Variants in PPP1R9A observed in about 807,000 individuals in gnomAD.
PPP1R9A encodes neurabin-1.
Under a neutral mutation model 141.9 loss-of-function variants are expected in PPP1R9A, and 59 were observed. The observed-to-expected ratio is 0.42, with a 90% CI of 0.34 to 0.52. PPP1R9A has a LOEUF of 0.52. Ranked by LOEUF, PPP1R9A falls within the 20% of genes least tolerant of loss-of-function variation. PPP1R9A has a pLI of 0.10. For synonymous variants in PPP1R9A, 500 were observed against 569.7 expected, an observed-to-expected ratio of 0.88 and a Z score of 1.74; for missense variants, 1,444 against 1,611.9, an observed-to-expected ratio of 0.90 and a Z score of 1.78.
At chr7:94,931,256 T>C (rs891435735) in intron 2 of PPP1R9A, among the ~76,000 whole-genome samples, 6 of 152,188 alleles carry the variant, frequency 3.9e-5, no homozygotes, top group African/African-American at 1.2e-4. Flanking sequence ...TGACGGCAGG[T>C]GAACTTCAGA....
chr7:95,213,588 T>A (rs956806090), intron 7 of PPP1R9A, among the ~76,000 whole-genome samples: 3 of 152,064 alleles, frequency 2.0e-5, no homozygotes, highest in Non-Finnish European at 4.4e-5. Flanking sequence ...CCTTCCAAAG[T>A]GTTGGGATTA....
At chr7:94,987,203 C>T (rs866899294) in intron 2 of PPP1R9A, among the ~76,000 whole-genome samples, 32 of 152,172 alleles carry the variant, frequency 2.1e-4, no homozygotes, top group African/African-American at 7.5e-4. Flanking sequence ...CTCTTTTAAA[C>T]CTAGCTTTGG....
rs1199316703 is a variant in PPP1R9A, at chr7:95,288,544, T to C, written c.3738T>C (p.Asp1246=). 4.3e-6 allele frequency: 7 copies of C among 1,613,794 alleles called. No individual in the cohort carries two copies. Among genetic ancestry groups the C allele is most frequent in the Non-Finnish European group, 5.9e-6 (7 of 1,179,936 alleles). The change falls in exon 19 of 20, where the codon GAT becomes GAC. Residue 1246 remains aspartate, a synonymous_variant. Coordinates refer to ENST00000433360, the MANE Select transcript of PPP1R9A (RefSeq NM_001166160.2). ...TAACATTCCTATCTTAGATCCTTGA[T>C]GATGGACAGTCTCCCAAACACAGTC... ...SLALSSDEIL[D]DGQSPKHSQC...
chr7:94,924,131 C>G (rs1161478107), intron 2 of PPP1R9A, among the ~76,000 whole-genome samples: 1 of 152,080 alleles, frequency 6.6e-6, no homozygotes, highest in Non-Finnish European at 1.5e-5. Flanking sequence ...AATTTTGACT[C>G]TTTTCTATAA....
chr7:95,240,588 A>G (rs1797312357), intron 8 of PPP1R9A, among the ~76,000 whole-genome samples: 1 of 152,006 alleles, frequency 6.6e-6, no homozygotes, highest in African/African-American at 2.4e-5. Context: ...TAAAATATAC[A>G]TGTATAGTTT....
At chr7:95,041,005 T>C (rs1168838785) in intron 2 of PPP1R9A, among the ~76,000 whole-genome samples, 1 of 152,310 alleles carries the variant, frequency 6.6e-6, no homozygotes, top group East Asian at 1.9e-4. Context: ...AGAGGAGATA[T>C]CCCATGAAAT....
chr7:95,048,841 G>A (rs1810400935), intron 2 of PPP1R9A, among the ~76,000 whole-genome samples: 1 of 151,912 alleles, frequency 6.6e-6, no homozygotes, highest in Non-Finnish European at 1.5e-5. Context: ...CACCATGCCC[G>A]GCCCTATGAC....
At chr7:95,097,443 A>G (rs745796349) in intron 2 of PPP1R9A, among the ~76,000 whole-genome samples, 1 of 152,222 alleles carries the variant, frequency 6.6e-6, no homozygotes, top group Non-Finnish European at 1.5e-5. Context: ...TAATTTCTGT[A>G]TCTGCAGTCA....
At chr7:95,051,010 A>T (rs7802644) in intron 2 of PPP1R9A, among the ~76,000 whole-genome samples, 4,791 of 152,166 alleles carry the variant, frequency 0.031, 266 homozygotes, top group African/African-American at 0.11. Flanking sequence ...CATTTGTGTT[A>T]TATCTAAAAA....
At chr7:94,973,021 A>G (rs1799029957) in intron 2 of PPP1R9A, among the ~76,000 whole-genome samples, 1 of 151,906 alleles carries the variant, frequency 6.6e-6, no homozygotes, top group African/African-American at 2.4e-5. Context: ...GACACAATAT[A>G]TTTTTAAAAA....
At chr7:94,933,717 T>C (rs1055841690) in intron 2 of PPP1R9A, among the ~76,000 whole-genome samples, 7 of 152,114 alleles carry the variant, frequency 4.6e-5, no homozygotes, top group African/African-American at 1.4e-4. Flanking sequence ...GTCCTTACAA[T>C]AGCTGATCAC....
chr7:95,025,229 G>T (rs1370224345), intron 2 of PPP1R9A, among the ~76,000 whole-genome samples: 1 of 152,040 alleles, frequency 6.6e-6, no homozygotes, highest in Non-Finnish European at 1.5e-5. Flanking sequence ...ACCATGTCTG[G>T]CTAATTTTTG....
intron 2 of PPP1R9A, among the ~76,000 whole-genome samples, chr7:94,930,008 C>A (rs1793958023): frequency 6.6e-6 from 1 of 152,284 alleles, no homozygotes; most frequent in South Asian, 2.1e-4. Flanking sequence ...AACAGATGCT[C>A]AGCAAATGAG....
chr7:95,202,064 T>C (rs1789679273), intron 6 of PPP1R9A, among the ~76,000 whole-genome samples: 1 of 152,166 alleles, frequency 6.6e-6, no homozygotes, highest in Non-Finnish European at 1.5e-5. Flanking sequence ...ATGGGAGAAA[T>C]AGATCCTGAA....
At chr7:95,102,513 C>T (rs1818921353) in intron 2 of PPP1R9A, among the ~76,000 whole-genome samples, 1 of 152,114 alleles carries the variant, frequency 6.6e-6, no homozygotes. Flanking sequence ...TCAGAAAGGC[C>T]CAGTGAGTTG....
intron 2 of PPP1R9A, among the ~76,000 whole-genome samples, chr7:94,921,534 A>G (rs1321593264): frequency 6.6e-6 from 1 of 152,168 alleles, no homozygotes; most frequent in Non-Finnish European, 1.5e-5. Context: ...ATTGATGTGC[A>G]AAATTGTTTT....
At chr7:95,012,613 G>C (rs910417232) in intron 2 of PPP1R9A, among the ~76,000 whole-genome samples, 6 of 152,156 alleles carry the variant, frequency 3.9e-5, no homozygotes, top group African/African-American at 1.4e-4. Context: ...AGATGAACAA[G>C]ATCATGCTTT....
intron 5 of PPP1R9A, among the ~76,000 whole-genome samples, chr7:95,189,854 C>A (rs1413238087): frequency 6.6e-6 from 1 of 152,078 alleles, no homozygotes; most frequent in East Asian, 1.9e-4. Flanking sequence ...TTTTCCAGTG[C>A]CTTTTTTTAT....
chr7:95,175,230 C>G (rs1428140011), intron 5 of PPP1R9A: 1 of 151,616 alleles, frequency 6.6e-6, no homozygotes, highest in African/African-American at 2.4e-5. Context: ...TAGAGGCAGC[C>G]TATCATAGTA....
Sources: allele counts gnomAD v4.1 joint callset (sites outside exome capture counted in the v4.1 genomes callset), GRCh38; gene constraint gnomAD v4.1.1; transcripts MANE v1.5; gene names NCBI Gene and HGNC (gene_info 2026-07-23, HGNC 2026-07-21).